Variants in NFKBIZ observed in about 807,000 individuals in gnomAD.
NFKBIZ encodes the protein NF-kappa-B inhibitor zeta.
NFKBIZ carries 19 observed loss-of-function variants against 76.8 expected under a neutral mutation model. The ratio of observed to expected loss-of-function variants is 0.25; its 90% CI spans 0.17 to 0.36. The LOEUF (loss-of-function observed/expected upper bound fraction) is 0.36. Among genes scored for constraint, NFKBIZ ranks in the 10% least tolerant of loss-of-function variants. The pLI, the probability that NFKBIZ is intolerant of heterozygous loss-of-function variation, is 1.00. For missense variants in NFKBIZ, 829 were observed against 910.9 expected, an observed-to-expected ratio of 0.91 and a Z score of 1.16; for synonymous variants, 368 against 354.8, an observed-to-expected ratio of 1.04 and a Z score of -0.42.
At position 101,860,008 on chromosome 3, in the gene NFKBIZ, A is replaced by C. The variant is rs1943110007; in HGVS notation, c.*637A>C. ...CAAGTGAATTGTTGCTATTTAAAAA[A>C]ATTTTACAATTCTTACTAAGGAGTT... On this transcript the variant is annotated 3_prime_UTR_variant, in exon 12 of 12. Coordinates refer to ENST00000326172, the MANE Select transcript of NFKBIZ (RefSeq NM_031419.4). 6.6e-6 allele frequency: 1 copy of C among 152,220 alleles called. No individual in the cohort carries two copies. The highest frequency in any genetic ancestry group is 1.5e-5 in the Non-Finnish European group (1 of 68,038). The allele number at this position is 152,220 out of a possible 1,614,324, so 9.4% of individuals were successfully genotyped here. A position where few individuals can be genotyped will look rare whatever the true frequency, so the allele number is the denominator to read the frequency against.
At chr3:101,852,039 T>C (rs1230970986) in intron 1 of NFKBIZ, 46 bp from the exon 2 acceptor site, 1 of 1,598,110 alleles carries the variant, frequency 6.3e-7, no homozygotes, top group African/African-American at 1.4e-5. Flanking sequence ...CGTTTATGTC[T>C]GTGAAGATAT....
At chr3:101,858,191 A>G in intron 11 of NFKBIZ, 1 of 985,426 alleles carries the variant, frequency 1.0e-6, no homozygotes, top group Non-Finnish European at 1.2e-6. Flanking sequence ...ACTAATCACA[A>G]AATAAAATAC....
At chr3:101,832,660 C>T (rs999750365) in intron 2 of NFKBIZ, among the ~76,000 whole-genome samples, 5 of 152,102 alleles carry the variant, frequency 3.3e-5, no homozygotes, top group East Asian at 1.9e-4. Flanking sequence ...TTTTTAAGGC[C>T]GAATAATATT....
chr3:101,846,274 A>ATG (rs1942849693), upstream of NFKBIZ, among the ~76,000 whole-genome samples: 1 of 152,256 alleles, frequency 6.6e-6, no homozygotes, highest in African/African-American at 2.4e-5. Flanking sequence ...CTCCCACAGC[A>ATG]TGAGTGTTCA....
At position 101,849,600 on chromosome 3, in the gene NFKBIZ, C is replaced by CG. The variant is rs774088507; in HGVS notation, c.-25dup. 2 of 1,316,458 alleles carry CG rather than the reference C, an allele frequency of 1.5e-6. No individual in the cohort carries two copies. Among genetic ancestry groups the CG allele is most frequent in the Admixed American group, 8.2e-5 (2 of 24,432 alleles). The allele number at this position is 1,316,458 out of a possible 1,614,324, so 81.5% of individuals were successfully genotyped here. A position where few individuals can be genotyped will look rare whatever the true frequency, so the allele number is the denominator to read the frequency against. ...CGCAGCGAGCCGGTGGCGCAGGTGT[C>CG]GGGGTCCTCGAGCGCCCAGCCTGGG... On this transcript the variant is annotated 5_prime_UTR_variant, in exon 1 of 12. Transcript: ENST00000326172.
At chr3:101,847,981 C>G (rs1036055355), upstream of NFKBIZ, among the ~76,000 whole-genome samples, 1 of 152,122 alleles carries the variant, frequency 6.6e-6, no homozygotes, top group Non-Finnish European at 1.5e-5. Flanking sequence ...TTTCATTTCT[C>G]CCCCCCTCCA....
intron 2 of NFKBIZ, among the ~76,000 whole-genome samples, chr3:101,840,692 G>A (rs898305525): frequency 1.3e-5 from 2 of 152,204 alleles, no homozygotes; most frequent in African/African-American, 4.8e-5. Context: ...GTGATTCAGG[G>A]TCTGTTTATA....
chr3:101,852,249 G>A (rs372201292), intron 2 of NFKBIZ, 25 bp downstream of exon 2: 36 of 1,611,780 alleles, frequency 2.2e-5, no homozygotes, highest in Non-Finnish European at 2.9e-5. Context: ...TCTGTTTTGA[G>A]TATAGAGTTG....
chr3:101,850,529 A>T (rs562715026), intron 1 of NFKBIZ: 12 of 152,074 alleles, frequency 7.9e-5, no homozygotes, highest in African/African-American at 2.2e-4. Context: ...TGTGTGCCTT[A>T]AAAAAAATGG....
chr3:101,853,062 T>G, intron 4 of NFKBIZ, 29 bp from the exon 5 acceptor site: 1 of 1,611,746 alleles, frequency 6.2e-7, no homozygotes, highest in Admixed American at 1.7e-5. Context: ...AGGAAGTGAG[T>G]GTGCAAGTTG....
Position 101,853,581 on chromosome 3 carries a change from A to G in NFKBIZ, c.1055A>G (p.Asn352Ser), listed in dbSNP as rs1943003090. ...CTTGGTGATCAAAGGGAATCTGAGAATATTGCTAATCCCATGCAGACTTCC... is the reference window on the plus strand; with the variant it reads ...CTTGGTGATCAAAGGGAATCTGAGAGTATTGCTAATCCCATGCAGACTTCC... ...SLLGDQRESE[N>S]IANPMQTSSS... Residue 352 changes from asparagine (N) to serine (S), a missense_variant, in exon 5 of 12, where the codon AAT becomes AGT. By Grantham distance (46) the Asn-to-Ser change is conservative. Around this residue, in one of 4 missense-constraint regions of NFKBIZ, gnomAD observed 371 missense variants for 332.3 expected, o/e 1.12. Transcript: ENST00000326172. The G allele has an allele frequency of 1.2e-6, 2 of 1,614,138 alleles. No homozygotes were observed. Among genetic ancestry groups the G allele is most frequent in the African/African-American group, 2.7e-5 (2 of 74,940 alleles).
intron 10 of NFKBIZ, 51 bp downstream of exon 10, chr3:101,857,234 C>T: frequency 1.3e-6 from 2 of 1,535,298 alleles, no homozygotes; most frequent in African/African-American, 1.4e-5. Flanking sequence ...AGTTTTTGAG[C>T]TCCTTTCATG....
chr3:101,830,921 T>C (rs1288093538), intron 2 of NFKBIZ, among the ~76,000 whole-genome samples: 5 of 152,248 alleles, frequency 3.3e-5, no homozygotes, highest in African/African-American at 4.8e-5. Flanking sequence ...ATTAAACTTA[T>C]CAAAATACTG....
intron 1 of NFKBIZ, among the ~76,000 whole-genome samples, chr3:101,851,495 A>C (rs542979839): frequency 4.7e-4 from 71 of 152,352 alleles, no homozygotes; most frequent in South Asian, 1.4e-3. Context: ...TAAGACATAA[A>C]TCTAAGACGT....
chr3:101,847,101 C>G (rs778915711), upstream of NFKBIZ, among the ~76,000 whole-genome samples: 1 of 152,232 alleles, frequency 6.6e-6, no homozygotes, highest in African/African-American at 2.4e-5. Flanking sequence ...CCCGCATTGG[C>G]GAAGGGGGAT....
chr3:101,838,249 A>G (rs1281491541), intron 2 of NFKBIZ, among the ~76,000 whole-genome samples: 1 of 152,232 alleles, frequency 6.6e-6, no homozygotes, highest in African/African-American at 2.4e-5. Flanking sequence ...TACTTGACAT[A>G]CATTGTACAT....
rs567042954 is a variant in NFKBIZ at position 101,857,807 on chromosome 3, T to C, written c.2103+348T>C. On this transcript the variant is annotated intron_variant, in intron 11 of 11. Coordinates refer to ENST00000326172, the MANE Select transcript of NFKBIZ (RefSeq NM_031419.4). ...AAGAGAATCTTAGTCTTGTAATGTA[T>C]GAGCCTTCAAATATTGTGGATATTA... The C allele has an allele frequency of 5.1e-5, 50 of 985,124 alleles. No homozygotes were observed. In the African/African-American group the frequency reaches 6.3e-4, roughly 12 times the overall value. The allele number at this position is 985,124 out of a possible 1,614,324, so 61.0% of individuals were successfully genotyped here.
chr3:101,836,069 C>T (rs1226057993), intron 2 of NFKBIZ, among the ~76,000 whole-genome samples: 1 of 152,102 alleles, frequency 6.6e-6, no homozygotes, highest in East Asian at 1.9e-4. Context: ...TTTAATTCCT[C>T]TAGAGGTTTC....
At chr3:101,850,781 G>T (rs1942944637) in intron 1 of NFKBIZ, among the ~76,000 whole-genome samples, 1 of 152,216 alleles carries the variant, frequency 6.6e-6, no homozygotes, top group Non-Finnish European at 1.5e-5. Context: ...TTTAAAAAGT[G>T]ATATCTCATT....
Sources: gnomAD v4.1 joint callset for allele counts (sites outside exome capture counted in the v4.1 genomes callset) on GRCh38, gnomAD v4.1.1 for gene constraint, gnomAD v4.1.1 regional missense constraint, MANE v1.5 for transcripts, NCBI Gene and HGNC (gene_info 2026-07-23, HGNC 2026-07-21) for gene names.